The following PARPBP variants were observed in gnomAD, a reference collection of about 807,000 sequenced individuals.
The protein encoded by PARPBP is PCNA-interacting partner.
Under a neutral mutation model 50.0 loss-of-function variants are expected in PARPBP, and 52 were observed. The observed-to-expected ratio is 1.04, with a 90% CI of 0.83 to 1.31. PARPBP has a LOEUF of 1.31. Ranked by LOEUF, PARPBP falls within the 50% of genes most tolerant of loss-of-function variation. PARPBP has a pLI of 0.00. For synonymous variants in PARPBP, 244 were observed against 232.1 expected (o/e 1.05, Z -0.47); for missense variants, 697 against 672.0 (o/e 1.04, Z -0.41).
rs940701655 is a variant in PARPBP at position 102,120,280 on chromosome 12, T to G, written c.-10T>G. 6 of 338,018 alleles carry G rather than the reference T, an allele frequency of 1.8e-5. No homozygotes were observed. The highest frequency in any genetic ancestry group is 3.7e-5 in the Admixed American group (1 of 27,356). 20.9% of individuals were successfully genotyped at this position (338,018 alleles called of 1,614,324 possible). A position where few individuals can be genotyped will look rare whatever the true frequency, so the allele number is the denominator to read the frequency against. ...AAGAGTACGTCTTCGGGTCTACCCCTAATCACGTAAGTCTCGCGTCTGCCC... is the reference window on the plus strand; with the variant it reads ...AAGAGTACGTCTTCGGGTCTACCCCGAATCACGTAAGTCTCGCGTCTGCCC... On this transcript the variant is annotated 5_prime_UTR_variant, in exon 1 of 11. Coordinates refer to ENST00000327680, the MANE Select transcript of PARPBP (RefSeq NM_017915.5).
At chr12:102,151,515 T>C (rs1347947189) in intron 3 of PARPBP, 2 of 1,274,040 alleles carry the variant, frequency 1.6e-6, no homozygotes, top group Non-Finnish European at 2.2e-6. Flanking sequence ...TGGGGTCCTT[T>C]GGGTGGGTCC....
intron 2 of PARPBP, among the ~76,000 whole-genome samples, chr12:102,132,607 A>G (rs900381101): frequency 6.6e-6 from 1 of 151,992 alleles, no homozygotes; most frequent in Non-Finnish European, 1.5e-5. Flanking sequence ...AGCTTTGTTC[A>G]TTTTGCTCAA....
intron 2 of PARPBP, among the ~76,000 whole-genome samples, chr12:102,131,671 G>A (rs1245426375): frequency 6.6e-6 from 1 of 152,146 alleles, no homozygotes; most frequent in Non-Finnish European, 1.5e-5. Context: ...AAAAAAGAAC[G>A]AGATCATGTC....
intron 8 of PARPBP, 72 bp from the exon 9 acceptor site, chr12:102,182,477 A>G: frequency 1.9e-6 from 2 of 1,048,986 alleles, no homozygotes. Flanking sequence ...ATTAAGTTTC[A>G]ACGTGAATTT....
chr12:102,195,842 T>C, intron 10 of PARPBP, 109 bp from the exon 11 acceptor site: 1 of 603,106 alleles, frequency 1.7e-6, no homozygotes, highest in South Asian at 2.3e-5. Context: ...TATTTTACTT[T>C]AAAAATTTGA....
chr12:102,155,602 G>T (rs922743974), intron 4 of PARPBP, among the ~76,000 whole-genome samples: 7 of 122,054 alleles, frequency 5.7e-5, no homozygotes, highest in African/African-American at 1.2e-4. Flanking sequence ...GGTGGGGGGG[G>T]GGGGCGGGGA....
intron 3 of PARPBP, among the ~76,000 whole-genome samples, chr12:102,149,600 C>T (rs576047666): frequency 5.3e-5 from 8 of 152,252 alleles, no homozygotes; most frequent in African/African-American, 1.9e-4. Context: ...GTCACATGGC[C>T]ACAACAAGCT....
intron 2 of PARPBP, among the ~76,000 whole-genome samples, chr12:102,131,914 A>G (rs1408104672): frequency 6.6e-6 from 1 of 152,126 alleles, no homozygotes; most frequent in East Asian, 1.9e-4. Flanking sequence ...TGACAAAATA[A>G]TCTGTACAGC....
Position 102,157,872 on chromosome 12 carries a change from G to A in PARPBP, c.495+3896G>A, listed in dbSNP as rs537377198. ...ACGGTGGCTCACGCCTGTAATCCCA[G>A]CACTTTGGGAGGCTGAGGCGAGTGG... On this transcript the variant is annotated intron_variant, in intron 4 of 10. Coordinates refer to ENST00000327680, the MANE Select transcript of PARPBP (RefSeq NM_017915.5). Among the ~76,000 whole-genome samples, 13 of 152,112 alleles carry A rather than the reference G, an allele frequency of 8.5e-5. No homozygotes were observed. The South Asian group carries it at 2.3e-3, about 27-fold the overall frequency.
At chr12:102,154,328 A>T (rs184336100) in intron 4 of PARPBP, among the ~76,000 whole-genome samples, 52 of 152,320 alleles carry the variant, frequency 3.4e-4, no homozygotes, top group African/African-American at 1.0e-3. Context: ...CAACTGAAAA[A>T]TCTGGTCTGT....
At chr12:102,148,040 A>G (rs1885644762) in intron 2 of PARPBP, among the ~76,000 whole-genome samples, 190 bp from the exon 3 acceptor site, 1 of 152,178 alleles carries the variant, frequency 6.6e-6, no homozygotes, top group Admixed American at 6.5e-5. Context: ...TAAAATCATG[A>G]AAACCTTTTT....
intron 9 of PARPBP, among the ~76,000 whole-genome samples, chr12:102,188,726 TGAAATTTACTGGCAAGGAATCAGAAA>T (rs1252683614): frequency 6.6e-6 from 1 of 152,026 alleles, no homozygotes; most frequent in Non-Finnish European, 1.5e-5. Context: ...ATCCAGATAC[TGAAATTTACTGGCAAGGAATCAGAAA>T]GAAATTAACT....
chr12:102,141,755 G>T (rs1016665242), intron 2 of PARPBP, among the ~76,000 whole-genome samples: 22 of 152,092 alleles, frequency 1.4e-4, no homozygotes, highest in Admixed American at 3.9e-4. Flanking sequence ...AGCTTAGTTT[G>T]GCTGGCTATG....
At chr12:102,137,561 T>C (rs1177832548) in intron 2 of PARPBP, among the ~76,000 whole-genome samples, 1 of 152,254 alleles carries the variant, frequency 6.6e-6, no homozygotes, top group East Asian at 1.9e-4. Flanking sequence ...ACGTGCAGGT[T>C]TGTTACATAT....
chr12:102,123,470 G>A (rs564550341), intron 1 of PARPBP, among the ~76,000 whole-genome samples: 3 of 150,720 alleles, frequency 2.0e-5, no homozygotes, highest in East Asian at 3.9e-4. Context: ...TTGGGACAAC[G>A]TAGGATGGGA....
At chr12:102,192,862 G>A (rs1301050799) in intron 9 of PARPBP, among the ~76,000 whole-genome samples, 1 of 151,826 alleles carries the variant, frequency 6.6e-6, no homozygotes, top group South Asian at 2.1e-4. Context: ...TAAAAAAAAA[G>A]AGATTTTTGT....
At chr12:102,127,347 TCACTC>T (rs1378979514) in intron 2 of PARPBP, among the ~76,000 whole-genome samples, 1 of 150,588 alleles carries the variant, frequency 6.6e-6, no homozygotes, top group Non-Finnish European at 1.5e-5. Flanking sequence ...TGAGCCAAGA[TCACTC>T]CAGTGCACTC....
intron 1 of PARPBP, 25 bp from the exon 2 acceptor site, chr12:102,123,861 A>G (rs1477741482): frequency 6.0e-6 from 9 of 1,501,254 alleles, no homozygotes; most frequent in Non-Finnish European, 5.4e-6. Flanking sequence ...AGATACTTTA[A>G]CTTTGTATTC....
At chr12:102,159,406 C>A (rs960759902) in intron 4 of PARPBP, among the ~76,000 whole-genome samples, 4 of 152,150 alleles carry the variant, frequency 2.6e-5, no homozygotes, top group Non-Finnish European at 4.4e-5. Context: ...GAATTACAGG[C>A]GTGAGCCACC....
Sources: gnomAD v4.1 joint callset for allele counts (sites outside exome capture counted in the v4.1 genomes callset) on GRCh38, gnomAD v4.1.1 for gene constraint, MANE v1.5 for transcripts, NCBI Gene and HGNC (gene_info 2026-07-23, HGNC 2026-07-21) for gene names.